The following ZNF618 variants were observed in gnomAD, a reference collection of about 807,000 sequenced individuals.
The protein encoded by ZNF618 is zinc finger protein 618, also known as neural precursor cell expressed, developmentally down-regulated 10.
A neutral mutation model predicts 103.0 loss-of-function variants in ZNF618; 34 were observed. The ratio of observed to expected loss-of-function variants is 0.33; its 90% CI spans 0.25 to 0.44. The LOEUF is 0.44. Among genes scored for constraint, ZNF618 ranks in the 20% least tolerant of loss-of-function variants. The pLI is 1.00. For synonymous variants in ZNF618, 551 were observed against 542.2 expected, an observed-to-expected ratio of 1.02 and a Z score of -0.23; for missense variants, 1,059 against 1,295.4, an observed-to-expected ratio of 0.82 and a Z score of 2.80.
chr9:113,916,241 G>A (rs1360888098), intron 1 of ZNF618, among the ~76,000 whole-genome samples: 5 of 152,232 alleles, frequency 3.3e-5, no homozygotes, highest in East Asian at 1.9e-4. Context: ...AAATATGACC[G>A]TGTTATATGG....
intron 1 of ZNF618, among the ~76,000 whole-genome samples, chr9:113,887,596 G>A (rs1020322182): frequency 2.0e-5 from 3 of 152,140 alleles, no homozygotes; most frequent in Admixed American, 6.5e-5. Flanking sequence ...AGTCGTGTCT[G>A]CTTCCTGTAA....
At chr9:114,002,598 C>G (rs757140774) in intron 5 of ZNF618, 26 bp from the exon 6 acceptor site, 1 of 1,590,560 alleles carries the variant, frequency 6.3e-7, no homozygotes. Flanking sequence ...AGCCCCACCC[C>G]CATCCCTCTC....
intron 3 of ZNF618, among the ~76,000 whole-genome samples, chr9:113,992,814 G>C (rs1342157630): frequency 6.6e-6 from 1 of 152,210 alleles, no homozygotes; most frequent in Non-Finnish European, 1.5e-5. Flanking sequence ...GCATTTGGCA[G>C]CTTCTCCTGC....
intron 2 of ZNF618, among the ~76,000 whole-genome samples, chr9:113,980,639 C>T (rs988239250): frequency 4.6e-5 from 7 of 152,120 alleles, no homozygotes; most frequent in African/African-American, 1.7e-4. Flanking sequence ...GATAAAAATA[C>T]AATAGGTTCT....
chr9:113,916,310 G>A (rs1832073056), intron 1 of ZNF618, among the ~76,000 whole-genome samples: 1 of 152,192 alleles, frequency 6.6e-6, no homozygotes, highest in Non-Finnish European at 1.5e-5. Context: ...AGCTGATGAT[G>A]TAGCCTGGAC....
chr9:113,902,881 G>A (rs1830680086), intron 1 of ZNF618, among the ~76,000 whole-genome samples: 1 of 152,106 alleles, frequency 6.6e-6, no homozygotes, highest in Non-Finnish European at 1.5e-5. Flanking sequence ...TCCTTAGCTT[G>A]TGTACTTCTC....
At position 114,051,448 on chromosome 9, in the gene ZNF618, G is replaced by C. The variant is rs1274065080; in HGVS notation, c.*1281G>C. 6.5e-6 allele frequency: 1 copy of C among 152,744 alleles called. No homozygotes were observed. The highest frequency in any genetic ancestry group is 1.5e-5 in the Non-Finnish European group (1 of 68,148). The allele number at this position is 152,744 out of a possible 1,614,324, so 9.5% of individuals were successfully genotyped here. ...GCCAGAGCTGCCCTCCTGGTCCGCT[G>C]TGCGTGGTACCCAGTGTGCATCACA... On this transcript the variant is annotated 3_prime_UTR_variant, in exon 15 of 15. Transcript: ENST00000374126.
chr9:113,975,326 G>A (rs1039915257), intron 2 of ZNF618, among the ~76,000 whole-genome samples: 1 of 152,202 alleles, frequency 6.6e-6, no homozygotes. Context: ...GGCTTTCAAT[G>A]TAGCTAAGTC....
At chr9:114,032,430 G>A (rs1277452252) in intron 11 of ZNF618, among the ~76,000 whole-genome samples, 3 of 152,156 alleles carry the variant, frequency 2.0e-5, no homozygotes, top group African/African-American at 7.2e-5. Context: ...CCGTGCCTGG[G>A]CCTCCTGGGC....
intron 3 of ZNF618, among the ~76,000 whole-genome samples, chr9:113,991,467 G>C (rs575325918): frequency 6.6e-6 from 1 of 152,180 alleles, no homozygotes; most frequent in Non-Finnish European, 1.5e-5. Flanking sequence ...AAATCATCAG[G>C]CTATCTGAGT....
Position 114,050,289 on chromosome 9 carries a change from C to A in ZNF618, c.*122C>A. On this transcript the variant is annotated 3_prime_UTR_variant, in exon 15 of 15. Coordinates refer to ENST00000374126, the MANE Select transcript of ZNF618 (RefSeq NM_001318042.2). Reference sequence around the variant, plus strand: ...CACTGTGGACCTCATTATAAATGCCCCCTGGAAACTTAAGTGCTTTTTTTA... The same window carrying A: ...CACTGTGGACCTCATTATAAATGCCACCTGGAAACTTAAGTGCTTTTTTTA... 2 of 1,247,286 alleles carry A rather than the reference C, an allele frequency of 1.6e-6. No individual in the cohort carries two copies. The highest frequency in any genetic ancestry group is 2.2e-6 in the Non-Finnish European group (2 of 915,826). 77.3% of individuals were successfully genotyped at this position (1,247,286 alleles called of 1,614,324 possible).
chr9:114,035,116 T>C (rs1452525999), intron 12 of ZNF618: 1 of 963,910 alleles, frequency 1.0e-6, no homozygotes, highest in Non-Finnish European at 1.2e-6. Context: ...CACTGGTTAT[T>C]AAGAATAAAA....
chr9:113,958,249 A>AGTCCTG (rs1836506972), intron 1 of ZNF618, among the ~76,000 whole-genome samples: 1 of 152,108 alleles, frequency 6.6e-6, no homozygotes, highest in Non-Finnish European at 1.5e-5. Flanking sequence ...TCTGGGTTGG[A>AGTCCTG]GTCCTGGCTG....
At chr9:114,003,224 G>C (rs10759675) in intron 6 of ZNF618, among the ~76,000 whole-genome samples, 48,818 of 152,178 alleles carry the variant, frequency 0.32, 8,757 homozygotes, top group East Asian at 0.61. Context: ...ATCTGCGACA[G>C]CACTGCTGCT....
rs370799811 is a variant in ZNF618, at chr9:113,988,390, G to A, written c.147G>A (p.Ser49=). The A allele has an allele frequency of 5.6e-6, 9 of 1,613,382 alleles. No individual in the cohort carries two copies. The highest frequency in any genetic ancestry group is 2.7e-5 in the African/African-American group (2 of 74,936). ...CAGAGCCAGTGCCAGCCGAGGCCTC[G>A]CTGAGTGCCGAGCAAGGAACGATGA... The part of the protein sequence containing the change: ...EGPEPVPAEA[S]LSAEQGTMTE... The change falls in exon 3 of 15, where the codon TCG becomes TCA. Residue 49 remains serine (S), a synonymous_variant. Coordinates refer to ENST00000374126, the MANE Select transcript of ZNF618 (RefSeq NM_001318042.2).
At chr9:113,967,565 G>T (rs953085242) in intron 1 of ZNF618, among the ~76,000 whole-genome samples, 1 of 152,176 alleles carries the variant, frequency 6.6e-6, no homozygotes, top group East Asian at 1.9e-4. Flanking sequence ...AACTGAGGAT[G>T]TTGGACTTTG....
intron 10 of ZNF618, among the ~76,000 whole-genome samples, chr9:114,020,472 G>C (rs1170572422): frequency 6.6e-6 from 1 of 152,094 alleles, no homozygotes; most frequent in African/African-American, 2.4e-5. Flanking sequence ...CAAGTATTTA[G>C]GGCTTGTTTA....
chr9:113,947,122 C>A (rs1835108874), intron 1 of ZNF618, among the ~76,000 whole-genome samples: 1 of 152,126 alleles, frequency 6.6e-6, no homozygotes, highest in Non-Finnish European at 1.5e-5. Context: ...AGAGGAGGGG[C>A]TCAGGGAAGG....
intron 1 of ZNF618, among the ~76,000 whole-genome samples, chr9:113,882,588 C>T (rs977046449): frequency 6.6e-6 from 1 of 152,190 alleles, no homozygotes; most frequent in Admixed American, 6.5e-5. Flanking sequence ...TGAGAATGTA[C>T]ACTCTTGGCT....
Sources: allele counts gnomAD v4.1 joint callset (sites outside exome capture counted in the v4.1 genomes callset), GRCh38; gene constraint gnomAD v4.1.1; transcripts MANE v1.5; gene names NCBI Gene and HGNC (gene_info 2026-07-23, HGNC 2026-07-21).